ZBTB10: variants seen among roughly 807,000 people sequenced by gnomAD.
ZBTB10 encodes zinc finger and BTB domain containing 10.
A neutral mutation model predicts 76.4 loss-of-function variants in ZBTB10; 32 were observed. The observed-to-expected ratio is 0.42, with a 90% CI of 0.32 to 0.56. The LOEUF is 0.56. Ranked by LOEUF, ZBTB10 falls within the 20% of genes least tolerant of loss-of-function variation. The pLI is 0.14. For missense variants in ZBTB10, 1,057 were observed against 1,098.5 expected (o/e 0.96, Z 0.53); for synonymous variants, 523 against 432.9 (o/e 1.21, Z -2.58).
chr8:80,521,521 AAT>A lies in ZBTB10; in HGVS notation c.*2000_*2001del, dbSNP rs1816448112. On this transcript the variant is annotated 3_prime_UTR_variant, in exon 6 of 6. Coordinates refer to ENST00000455036, the MANE Select transcript of ZBTB10 (RefSeq NM_001105539.3). ...CAATTGGTAGATCTGTCTATATATA[AAT>A]ATATATTAAAGAACAAAGATATATA... is the stretch of plus-strand genomic sequence containing the variant. 1.3e-5 allele frequency: 2 copies of A among 151,722 alleles called. No individual in the cohort carries two copies. The highest frequency in any genetic ancestry group is 4.1e-4 in the South Asian group (2 of 4,820). 9.4% of individuals were successfully genotyped at this position (151,722 alleles called of 1,614,324 possible).
chr8:80,519,676 C>CA lies in ZBTB10; in HGVS notation c.*156dup, dbSNP rs76997731. ...AAACTGTAGGGTCAAAGCCTTATAG[C>CA]AAAAAAAATTTTTTTTTATATTTGC... On this transcript the variant is annotated 3_prime_UTR_variant, in exon 6 of 6. Transcript: ENST00000455036. 1.6e-5 allele frequency: 15 copies of CA among 937,478 alleles called. No homozygotes were observed. Among genetic ancestry groups the CA allele is most frequent in the African/African-American group, 8.3e-5 (5 of 60,258 alleles). 58.1% of individuals were successfully genotyped at this position (937,478 alleles called of 1,614,324 possible).
intron 2 of ZBTB10, among the ~76,000 whole-genome samples, chr8:80,504,282 T>C (rs1255631872): frequency 3.3e-5 from 5 of 152,230 alleles, no homozygotes; most frequent in African/African-American, 4.8e-5. Flanking sequence ...ATCTGAAAAG[T>C]CTTAGTGAAT....
At chr8:80,497,073 G>T (rs1815801248) in intron 1 of ZBTB10, among the ~76,000 whole-genome samples, 1 of 152,186 alleles carries the variant, frequency 6.6e-6, no homozygotes, top group Non-Finnish European at 1.5e-5. Context: ...GGGAAACCAA[G>T]TAAACAGAAT....
rs1816506752 is a variant in ZBTB10, at chr8:80,524,326, G to A, written c.*4798G>A. The A allele has an allele frequency of 6.6e-6, 1 of 152,010 alleles. No individual in the cohort carries two copies. The highest frequency in any genetic ancestry group is 2.1e-4 in the South Asian group (1 of 4,828). 9.4% of individuals were successfully genotyped at this position (152,010 alleles called of 1,614,324 possible). On this transcript the variant is annotated 3_prime_UTR_variant, in exon 6 of 6. Coordinates refer to ENST00000455036, the MANE Select transcript of ZBTB10 (RefSeq NM_001105539.3). ...AATTAATAGCAGTGATTTGTAATCA[G>A]TGTATCTTTTAAGATTCTCTACAGG...
chr8:80,505,915 ATT>A (rs58176444), intron 2 of ZBTB10, among the ~76,000 whole-genome samples: 8,238 of 131,812 alleles, frequency 0.062, 285 homozygotes, highest in African/African-American at 0.087. Context: ...TGCCTGGCTA[ATT>A]TTTTTTTTTT....
At chr8:80,497,961 A>G (rs1025390323) in intron 1 of ZBTB10, among the ~76,000 whole-genome samples, 1 of 152,046 alleles carries the variant, frequency 6.6e-6, no homozygotes, top group Non-Finnish European at 1.5e-5. Flanking sequence ...ATGCCTGGCC[A>G]TGTCCTGGAA....
Position 80,487,075 on chromosome 8 carries a change from G to C in ZBTB10, c.265G>C (p.Glu89Gln). ...CGCCGGGCCGGCCGCCGGCGCCGCC[G>C]AGGAAGCCAAGGAGTTGCTGCTCCC... is the stretch of plus-strand genomic sequence containing the variant. ...ASAGPAAGAA[E>Q]EAKELLLPQD... The change falls in exon 1 of 6, where the codon GAG becomes CAG. Residue 89 changes from glutamate to glutamine, a missense_variant. Around this residue, in one of 5 missense-constraint regions of ZBTB10, gnomAD observed 556 missense variants for 451.7 expected, o/e 1.23. Coordinates refer to ENST00000455036, the MANE Select transcript of ZBTB10 (RefSeq NM_001105539.3). The C allele has an allele frequency of 6.6e-7, 1 of 1,516,416 alleles. No individual in the cohort carries two copies. The allele number at this position is 1,516,416 out of a possible 1,614,324, so 93.9% of individuals were successfully genotyped here. A position where few individuals can be genotyped will look rare whatever the true frequency, so the allele number is the denominator to read the frequency against.
In ZBTB10 at chr8:80,487,525, C is replaced by G. The variant is rs1815505984; in HGVS notation, c.715C>G (p.Pro239Ala). ...ETVQHFPLAR[P>A]KSLMQKLQCS... ...TGTCCAGCACTTCCCGCTCGCGCGG[C>G]CCAAGTCTCTAATGCAGAAGCTCCA... Residue 239 changes from proline (P) to alanine (A), a missense_variant, in exon 1 of 6, where the codon CCC (proline) becomes GCC (alanine). By Grantham distance (27) the Pro-to-Ala change is conservative. Coordinates refer to ENST00000455036, the MANE Select transcript of ZBTB10 (RefSeq NM_001105539.3). The G allele has an allele frequency of 6.4e-7, 1 of 1,574,754 alleles. No individual in the cohort carries two copies. Among genetic ancestry groups the G allele is most frequent in the Admixed American group, 1.9e-5 (1 of 52,834 alleles).
rs976482596 is a variant in ZBTB10, at chr8:80,523,581, A to G, written c.*4053A>G. The G allele has an allele frequency of 4.0e-5, 6 of 151,180 alleles. No individual in the cohort carries two copies. Among genetic ancestry groups the G allele is most frequent in the African/African-American group, 1.5e-4 (6 of 41,118 alleles). The allele number at this position is 151,180 out of a possible 1,614,324, so 9.4% of individuals were successfully genotyped here. A position where few individuals can be genotyped will look rare whatever the true frequency, so the allele number is the denominator to read the frequency against. On this transcript the variant is annotated 3_prime_UTR_variant, in exon 6 of 6. Coordinates refer to ENST00000455036, the MANE Select transcript of ZBTB10 (RefSeq NM_001105539.3). ...TACATAATATCCACACTTAGAACTA[A>G]CAGGTGTTTAGTCACTTTAGGACTT...
At chr8:80,514,908 A>G (rs1216493487) in intron 3 of ZBTB10, among the ~76,000 whole-genome samples, 1 of 152,260 alleles carries the variant, frequency 6.6e-6, no homozygotes, top group Non-Finnish European at 1.5e-5. Context: ...AAACCCAGAC[A>G]TTGATGTATA....
In ZBTB10 at chr8:80,513,934, G is replaced by T; in HGVS notation, c.1886G>T (p.Gly629Val). The change falls in exon 3 of 6, where the codon GGG (glycine) becomes GTG (valine). Residue 629 changes from glycine (G) to valine (V), a missense_variant. By Grantham distance (109) the Gly-to-Val change is moderately radical (BLOSUM62 -3). Coordinates refer to ENST00000455036, the MANE Select transcript of ZBTB10 (RefSeq NM_001105539.3). ...GATTTAGATGGTGCTCTACTCTCGG[G>T]GCCAGATGGTGATAGGAATGTGAAT... ...EPDLDGALLS[G>V]PDGDRNVNAN... is the part of the protein sequence containing the mutation. 6.2e-7 allele frequency: 1 copy of T among 1,613,520 alleles called. No individual in the cohort carries two copies. Among genetic ancestry groups the T allele is most frequent in the Non-Finnish European group, 8.5e-7 (1 of 1,179,654 alleles).
intron 1 of ZBTB10, among the ~76,000 whole-genome samples, chr8:80,489,222 AGCTTGGGCAATAGAGTG>A (rs757220723): frequency 5.9e-5 from 9 of 152,348 alleles, no homozygotes; most frequent in Non-Finnish European, 1.0e-4. Flanking sequence ...TAGCTTTGTG[AGCTTGGGCAATAGAGTG>A]AAATGGAACT....
Position 80,486,822 on chromosome 8 carries a change from T to G in ZBTB10, c.12T>G (p.Ser4Arg). 6.8e-7 allele frequency: 1 copy of G among 1,468,970 alleles called. No individual in the cohort carries two copies. The highest frequency in any genetic ancestry group is 9.0e-7 in the Non-Finnish European group (1 of 1,113,236). The allele number at this position is 1,468,970 out of a possible 1,614,324, so 91.0% of individuals were successfully genotyped here. The change falls in exon 1 of 6, where the codon AGT becomes AGG. Residue 4 changes from serine (S) to arginine (R), a missense_variant. Physicochemically the swap from Ser to Arg is moderately radical, Grantham distance 110. Around this residue, in one of 5 missense-constraint regions of ZBTB10, gnomAD observed 556 missense variants for 451.7 expected, o/e 1.23. Transcript: ENST00000455036. Reference sequence around the variant, plus strand: ...CGGCGGCGCGCGCCATGTCGTTCAGTGAAATGAACCGCAGGACGCTGGCGT... The same window carrying G: ...CGGCGGCGCGCGCCATGTCGTTCAGGGAAATGAACCGCAGGACGCTGGCGT... The part of the protein sequence containing the change: MSF[S>R]EMNRRTLAFR...
intron 2 of ZBTB10, among the ~76,000 whole-genome samples, chr8:80,512,048 G>A (rs1435956752): frequency 6.6e-6 from 1 of 152,014 alleles, no homozygotes; most frequent in African/African-American, 2.4e-5. Flanking sequence ...AAGGAGTTCT[G>A]TATCTATTTA....
Position 80,520,478 on chromosome 8 carries a change from A to T in ZBTB10, c.*950A>T, listed in dbSNP as rs1816425723. The T allele has an allele frequency of 6.6e-6, 1 of 152,504 alleles. No homozygotes were observed. The highest frequency in any genetic ancestry group is 2.4e-5 in the African/African-American group (1 of 41,452). 9.4% of individuals were successfully genotyped at this position (152,504 alleles called of 1,614,324 possible). On this transcript the variant is annotated 3_prime_UTR_variant, in exon 6 of 6. Transcript: ENST00000455036. ...ACCTAATTGAAAGAAAAATCATAGA[A>T]ATAAGTAAAATGATTTGTTTTATAA...
upstream of ZBTB10, chr8:80,485,829 G>C (rs2069876041): frequency 6.5e-7 from 1 of 1,535,940 alleles, no homozygotes; most frequent in Non-Finnish European, 8.7e-7. Flanking sequence ...TATTTGCAAA[G>C]TCCCAGGTGA....
chr8:80,497,415 G>A (rs1278681699), intron 1 of ZBTB10, among the ~76,000 whole-genome samples: 1 of 142,490 alleles, frequency 7.0e-6, no homozygotes, highest in African/African-American at 2.6e-5. Context: ...TGCAGAATTG[G>A]ATCTTTTGGT....
At chr8:80,498,516 A>G (rs1318638263) in intron 1 of ZBTB10, among the ~76,000 whole-genome samples, 1 of 152,228 alleles carries the variant, frequency 6.6e-6, no homozygotes, top group Non-Finnish European at 1.5e-5. Flanking sequence ...GCAGGCACTA[A>G]TCAAAGTGCT....
intron 1 of ZBTB10, among the ~76,000 whole-genome samples, chr8:80,493,668 A>C (rs996162056): frequency 4.1e-5 from 5 of 123,064 alleles, no homozygotes; most frequent in South Asian, 2.4e-4. Flanking sequence ...AAAACAAAAC[A>C]AAAAAAAAAA....
Sources: gnomAD v4.1 joint callset for allele counts (sites outside exome capture counted in the v4.1 genomes callset) on GRCh38, gnomAD v4.1.1 for gene constraint, gnomAD v4.1.1 regional missense constraint, MANE v1.5 for transcripts, NCBI Gene and HGNC (gene_info 2026-07-23, HGNC 2026-07-21) for gene names.